Variants in LRRTM4 observed in about 807,000 individuals in gnomAD.
LRRTM4 encodes leucine-rich repeat transmembrane neuronal protein 4.
A neutral mutation model predicts 47.6 loss-of-function variants in LRRTM4; 25 were observed. The ratio of observed to expected loss-of-function variants is 0.53; its 90% confidence interval spans 0.38 to 0.73. The LOEUF is 0.73. Ranked by LOEUF, LRRTM4 falls within the 30% of genes least tolerant of loss-of-function variation. The pLI is 0.00. For missense variants in LRRTM4, 638 were observed against 713.4 expected, an observed-to-expected ratio of 0.89 and a Z score of 1.20; for synonymous variants, 311 against 269.5, an observed-to-expected ratio of 1.15 and a Z score of -1.51.
At chr2:77,422,682 G>C (rs1169106068) in intron 3 of LRRTM4, among the ~76,000 whole-genome samples, 1 of 152,116 alleles carries the variant, frequency 6.6e-6, no homozygotes, top group Non-Finnish European at 1.5e-5. Context: ...TGATGATATA[G>C]AGTTTATTTA....
chr2:76,811,449 A>C (rs1670730144), intron 3 of LRRTM4, among the ~76,000 whole-genome samples: 1 of 152,160 alleles, frequency 6.6e-6, no homozygotes, highest in Admixed American at 6.6e-5. Context: ...TCTTGGGAGG[A>C]AATCAAGCTG....
At chr2:76,781,603 C>G (rs1321215637) in intron 3 of LRRTM4, among the ~76,000 whole-genome samples, 1 of 152,250 alleles carries the variant, frequency 6.6e-6, no homozygotes, top group African/African-American at 2.4e-5. Flanking sequence ...ATGCCTCGCC[C>G]TGCTTCGGCT....
intron 3 of LRRTM4, chr2:76,985,931 A>C (rs1008447504): frequency 1.3e-5 from 2 of 151,896 alleles, no homozygotes; most frequent in African/African-American, 4.8e-5. Context: ...AGACCTGAAA[A>C]CAAGTAATCC....
intron 3 of LRRTM4, among the ~76,000 whole-genome samples, chr2:77,249,343 T>A (rs1675539330): frequency 6.6e-6 from 1 of 151,534 alleles, no homozygotes; most frequent in Non-Finnish European, 1.5e-5. Flanking sequence ...ATAGCAAAAC[T>A]CCATCTCAAA....
chr2:77,160,499 A>AT (rs1348016656), intron 3 of LRRTM4, among the ~76,000 whole-genome samples: 18 of 108,176 alleles, frequency 1.7e-4, no homozygotes, highest in Non-Finnish European at 3.3e-4. Context: ...ATTGTTTAAT[A>AT]TTTAAAAAAA....
At chr2:76,867,371 T>C (rs965473452) in intron 3 of LRRTM4, among the ~76,000 whole-genome samples, 1 of 152,200 alleles carries the variant, frequency 6.6e-6, no homozygotes, top group Non-Finnish European at 1.5e-5. Context: ...ATCATGTTTG[T>C]AAACCAAATT....
At chr2:76,951,980 AG>A (rs1486409058) in intron 3 of LRRTM4, among the ~76,000 whole-genome samples, 1 of 151,964 alleles carries the variant, frequency 6.6e-6, no homozygotes, top group Non-Finnish European at 1.5e-5. Context: ...ATGACTTCAT[AG>A]TATTCCGTGG....
intron 3 of LRRTM4, among the ~76,000 whole-genome samples, chr2:76,899,371 T>C (rs1273784713): frequency 6.6e-6 from 1 of 150,704 alleles, no homozygotes; most frequent in Non-Finnish European, 1.5e-5. Context: ...ATATAAACTA[T>C]ATTTTATAAT....
chr2:77,221,317 C>T (rs1200284819), intron 3 of LRRTM4, among the ~76,000 whole-genome samples: 1 of 152,158 alleles, frequency 6.6e-6, no homozygotes, highest in East Asian at 1.9e-4. Context: ...AAATAACCAG[C>T]TAACATCATC....
At chr2:77,220,686 C>T (rs905454609) in intron 3 of LRRTM4, among the ~76,000 whole-genome samples, 30 of 152,092 alleles carry the variant, frequency 2.0e-4, no homozygotes, top group Non-Finnish European at 4.1e-4. Context: ...ACAAAGCCTC[C>T]AAGAAATATG....
rs1679543132 is a variant in LRRTM4, at chr2:77,522,206, A to T, written c.-245T>A. ...GAAGCAAGTAGGCCTCCTGTGCTGT[A>T]TGAGACCCCAGTTTAAAAGCTATGC... On this transcript the variant is annotated 5_prime_UTR_variant, in exon 1 of 4. Transcript: ENST00000409884. The T allele has an allele frequency of 1.4e-6, 1 of 698,084 alleles. No homozygotes were observed. Among genetic ancestry groups the T allele is most frequent in the Non-Finnish European group, 2.7e-6 (1 of 376,430 alleles). The allele number at this position is 698,084 out of a possible 1,614,324, so 43.2% of individuals were successfully genotyped here.
At chr2:77,490,357 G>GA (rs1383223464) in intron 3 of LRRTM4, among the ~76,000 whole-genome samples, 2 of 151,866 alleles carry the variant, frequency 1.3e-5, no homozygotes, top group African/African-American at 4.8e-5. Context: ...AAAAGAAAGG[G>GA]AACACTGATG....
intron 3 of LRRTM4, among the ~76,000 whole-genome samples, chr2:77,375,818 T>C (rs1672818273): frequency 6.6e-6 from 1 of 151,838 alleles, no homozygotes; most frequent in South Asian, 2.1e-4. Flanking sequence ...CCACATTTCC[T>C]TTATCTACTT....
At chr2:76,769,777 G>A (rs974839033) in intron 3 of LRRTM4, among the ~76,000 whole-genome samples, 7 of 151,972 alleles carry the variant, frequency 4.6e-5, no homozygotes, top group African/African-American at 9.7e-5. Context: ...GTTGTTTCAC[G>A]GAAATTATCT....
At chr2:77,447,898 G>A (rs762889023) in intron 3 of LRRTM4, among the ~76,000 whole-genome samples, 11 of 152,144 alleles carry the variant, frequency 7.2e-5, no homozygotes, top group Non-Finnish European at 1.6e-4. Flanking sequence ...AAAGGTGTTA[G>A]TAATGAATGT....
chr2:77,380,290 C>A (rs181216709), intron 3 of LRRTM4, among the ~76,000 whole-genome samples: 1 of 152,096 alleles, frequency 6.6e-6, no homozygotes, highest in Non-Finnish European at 1.5e-5. Flanking sequence ...AAGCCTCATG[C>A]ACAGTTCATG....
chr2:77,249,881 AG>A (rs1435451406), intron 3 of LRRTM4, among the ~76,000 whole-genome samples: 10 of 152,356 alleles, frequency 6.6e-5, no homozygotes, highest in African/African-American at 2.4e-4. Flanking sequence ...TGTTTCTAGA[AG>A]GTTTATTCAT....
At chr2:77,412,853 C>A (rs1674495504) in intron 3 of LRRTM4, among the ~76,000 whole-genome samples, 1 of 151,966 alleles carries the variant, frequency 6.6e-6, no homozygotes, top group African/African-American at 2.4e-5. Context: ...AACTTTCTAC[C>A]ATCTAATTTT....
chr2:77,257,621 A>G (rs1342018506), intron 3 of LRRTM4, among the ~76,000 whole-genome samples: 2 of 152,194 alleles, frequency 1.3e-5, no homozygotes, highest in Non-Finnish European at 2.9e-5. Flanking sequence ...GAAAGCCTTG[A>G]CAAGAGCAGG....
Sources: gnomAD v4.1 joint callset for allele counts (sites outside exome capture counted in the v4.1 genomes callset) on GRCh38, gnomAD v4.1.1 for gene constraint, MANE v1.5 for transcripts, NCBI Gene and HGNC (gene_info 2026-07-23, HGNC 2026-07-21) for gene names.